Variants in VMP1 observed in about 807,000 individuals in gnomAD.
The protein encoded by VMP1 is vacuole membrane protein 1, also known as ectopic P-granules autophagy protein 3 homolog.
In VMP1, 11 loss-of-function variants were observed where a neutral mutation model predicts 56.0. That is an observed-to-expected ratio of 0.20 (90% CI 0.12 to 0.32). The LOEUF (loss-of-function observed/expected upper bound fraction) is 0.32. Among genes scored for constraint, VMP1 ranks in the 10% least tolerant of loss-of-function variants. VMP1 has a pLI of 1.00. For missense variants in VMP1, 296 were observed against 490.3 expected (o/e 0.60, Z 3.74); for synonymous variants, 149 against 165.0 (o/e 0.90, Z 0.74).
intron 6 of VMP1, among the ~76,000 whole-genome samples, chr17:59,772,737 C>T (rs2036471771): frequency 6.6e-6 from 1 of 151,256 alleles, no homozygotes; most frequent in Non-Finnish European, 1.5e-5. Flanking sequence ...CCATTGCACT[C>T]CAGCCTTCGT....
At chr17:59,749,150 G>T (rs1179372796) in intron 5 of VMP1, among the ~76,000 whole-genome samples, 2 of 151,136 alleles carry the variant, frequency 1.3e-5, no homozygotes, top group Non-Finnish European at 2.9e-5. Flanking sequence ...TTAGAGACGG[G>T]GTTTCACTGT....
intron 5 of VMP1, among the ~76,000 whole-genome samples, chr17:59,753,535 T>G (rs551468323): frequency 6.6e-6 from 1 of 152,276 alleles, no homozygotes; most frequent in South Asian, 2.1e-4. Flanking sequence ...TATGTAACAT[T>G]AAGGATTTAT....
At chr17:59,810,180 G>A (rs1363239357) in intron 8 of VMP1, among the ~76,000 whole-genome samples, 1 of 151,956 alleles carries the variant, frequency 6.6e-6, no homozygotes, top group Non-Finnish European at 1.5e-5. Flanking sequence ...TTGAGACAGA[G>A]TCTCCCTCTG....
intron 10 of VMP1, among the ~76,000 whole-genome samples, chr17:59,827,715 G>A (rs1254829093): frequency 6.6e-6 from 1 of 151,198 alleles, no homozygotes; most frequent in African/African-American, 2.4e-5. Context: ...AACTTTGGGA[G>A]GCTGAGGCGG....
At position 59,840,083 on chromosome 17, in the gene VMP1, G is replaced by A; in HGVS notation, c.*172G>A. ...GCACTGACATACTTTTTCCTTCTGTGCTAAGGTAAGGTATCCACCCTCGAT... is the reference window on the plus strand; with the variant it reads ...GCACTGACATACTTTTTCCTTCTGTACTAAGGTAAGGTATCCACCCTCGAT... On this transcript the variant is annotated 3_prime_UTR_variant, in exon 12 of 12. Coordinates refer to ENST00000262291, the MANE Select transcript of VMP1 (RefSeq NM_030938.5). The A allele has an allele frequency of 1.3e-6, 1 of 773,778 alleles. No homozygotes were observed. Among genetic ancestry groups the A allele is most frequent in the Non-Finnish European group, 2.0e-6 (1 of 504,914 alleles). The allele number at this position is 773,778 out of a possible 1,614,324, so 47.9% of individuals were successfully genotyped here.
intron 5 of VMP1, among the ~76,000 whole-genome samples, chr17:59,740,033 C>T (rs1480993299): frequency 1.8e-4 from 27 of 149,912 alleles, no homozygotes; most frequent in Non-Finnish European, 3.3e-4. Context: ...GCCGAGATCA[C>T]GCCACTGCAC....
At chr17:59,749,013 G>T (rs1013976706) in intron 5 of VMP1, among the ~76,000 whole-genome samples, 1 of 150,852 alleles carries the variant, frequency 6.6e-6, no homozygotes, top group Non-Finnish European at 1.5e-5. Flanking sequence ...GCAGTGGTGC[G>T]ATCTCGGCTC....
chr17:59,783,547 G>A (rs1218693237), intron 7 of VMP1, among the ~76,000 whole-genome samples: 1 of 152,118 alleles, frequency 6.6e-6, no homozygotes, highest in Non-Finnish European at 1.5e-5. Context: ...GTGCTTTGTG[G>A]ACTGTTTTAT....
At position 59,808,748 on chromosome 17, in the gene VMP1, C is replaced by A. The variant is rs200441564; in HGVS notation, c.715-48C>A. On this transcript the variant is annotated intron_variant, in intron 7 of 11. Transcript: ENST00000262291. ...TAAACTCTAGAAAGAACCATCTTTCCTTCTTTTCCTACTTCTCATTAATGT... is the reference window on the plus strand; with the variant it reads ...TAAACTCTAGAAAGAACCATCTTTCATTCTTTTCCTACTTCTCATTAATGT... 4.1e-6 allele frequency: 6 copies of A among 1,447,536 alleles called. No individual in the cohort carries two copies. The East Asian group carries it at 1.4e-4, about 33-fold the overall frequency. 89.7% of individuals were successfully genotyped at this position (1,447,536 alleles called of 1,614,324 possible).
intron 7 of VMP1, among the ~76,000 whole-genome samples, chr17:59,803,854 T>C (rs925504452): frequency 6.6e-6 from 1 of 152,120 alleles, no homozygotes; most frequent in Non-Finnish European, 1.5e-5. Flanking sequence ...ATATTGTTTA[T>C]TATTGGTGTG....
At chr17:59,792,878 T>TAA (rs200472779) in intron 7 of VMP1, among the ~76,000 whole-genome samples, 23,948 of 70,280 alleles carry the variant, frequency 0.34, 6,835 homozygotes, top group African/African-American at 0.47. Flanking sequence ...ATAATAATAA[T>TAA]TATTATTATT....
intron 10 of VMP1, among the ~76,000 whole-genome samples, chr17:59,822,244 T>G (rs919301528): frequency 6.6e-6 from 1 of 152,040 alleles, no homozygotes; most frequent in Non-Finnish European, 1.5e-5. Context: ...TTAGTCTTTG[T>G]CATTAATAAC....
intron 7 of VMP1, among the ~76,000 whole-genome samples, chr17:59,788,625 C>T (rs2037096897): frequency 1.3e-5 from 2 of 151,662 alleles, no homozygotes; most frequent in Non-Finnish European, 2.9e-5. Context: ...CCAATAATGG[C>T]GAAACCCCGT....
intron 10 of VMP1, among the ~76,000 whole-genome samples, chr17:59,828,148 G>C (rs2038701589): frequency 6.6e-6 from 1 of 152,000 alleles, no homozygotes; most frequent in South Asian, 2.1e-4. Context: ...CACTCCTTTA[G>C]CTCTGGCCAC....
At chr17:59,712,152 C>T (rs887632116) in intron 1 of VMP1, among the ~76,000 whole-genome samples, 1 of 152,138 alleles carries the variant, frequency 6.6e-6, no homozygotes, top group Non-Finnish European at 1.5e-5. Context: ...TGATTGTGAT[C>T]ATTATCATCA....
chr17:59,742,996 T>C (rs1417405093), intron 5 of VMP1, among the ~76,000 whole-genome samples: 1 of 152,148 alleles, frequency 6.6e-6, no homozygotes, highest in Non-Finnish European at 1.5e-5. Context: ...GCCCAAAAGG[T>C]TGGGGACCAC....
intron 6 of VMP1, among the ~76,000 whole-genome samples, chr17:59,767,227 CTTAACTCATTAAAAT>C: frequency 6.6e-6 from 1 of 151,642 alleles, no homozygotes; most frequent in Non-Finnish European, 1.5e-5. Context: ...ACTTACAAAT[CTTAACTCATTAAAAT>C]GAGCATGAAT....
At chr17:59,731,076 T>TTA (rs2034805008) in intron 1 of VMP1, among the ~76,000 whole-genome samples, 1 of 152,178 alleles carries the variant, frequency 6.6e-6, no homozygotes, top group African/African-American at 2.4e-5. Flanking sequence ...GAGTTAGACT[T>TTA]TATAGTGTGT....
intron 7 of VMP1, among the ~76,000 whole-genome samples, chr17:59,786,181 G>A (rs1048423497): frequency 1.3e-5 from 2 of 151,974 alleles, no homozygotes; most frequent in African/African-American, 2.4e-5. Context: ...AAACAAAATA[G>A]ACATTTATCT....
Sources: gnomAD v4.1 joint callset for allele counts (sites outside exome capture counted in the v4.1 genomes callset) on GRCh38, gnomAD v4.1.1 for gene constraint, MANE v1.5 for transcripts, NCBI Gene and HGNC (gene_info 2026-07-23, HGNC 2026-07-21) for gene names.